The following MROH1 variants were observed in gnomAD, a reference collection of about 807,000 sequenced individuals.
MROH1 encodes maestro heat-like repeat-containing protein family member 1.
MROH1 carries 117 observed loss-of-function variants against 116.5 expected under a neutral mutation model. That is an observed-to-expected ratio of 1.00 (90% CI 0.86 to 1.17). MROH1 has a LOEUF of 1.17. Ranked by LOEUF, MROH1 falls within the 50% of genes most tolerant of loss-of-function variation. The probability of loss-of-function intolerance (pLI) is 0.00; values close to 1 mark genes in which losing one functional copy is unlikely to be tolerated. For missense variants in MROH1, 1,873 were observed against 1,338.5 expected (o/e 1.40, Z -6.23); for synonymous variants, 921 against 583.9 (o/e 1.58, Z -8.32).
chr8:144,228,877 A>G (rs1257332306), intron 14 of MROH1, among the ~76,000 whole-genome samples: 1 of 152,210 alleles, frequency 6.6e-6, no homozygotes, highest in East Asian at 1.9e-4. Flanking sequence ...CCCACAGTAG[A>G]TCTTTCAAAA....
At chr8:144,250,529 G>C in intron 33 of MROH1, 163 bp downstream of exon 33, 1 of 690,026 alleles carries the variant, frequency 1.4e-6, no homozygotes, top group South Asian at 1.5e-5. Context: ...CCAGGCCCCA[G>C]TCTCTCAGGT....
At chr8:144,223,728 C>T (rs1253814816) in intron 14 of MROH1, among the ~76,000 whole-genome samples, 2 of 152,150 alleles carry the variant, frequency 1.3e-5, no homozygotes, top group African/African-American at 2.4e-5. Context: ...TCTAGACAGC[C>T]CTCTGTCACC....
intron 2 of MROH1, among the ~76,000 whole-genome samples, chr8:144,162,293 G>T (rs1342670843): frequency 6.6e-6 from 1 of 151,634 alleles, no homozygotes; most frequent in African/African-American, 2.4e-5. Flanking sequence ...TACCATGTTA[G>T]CCAGGCTGGT....
intron 9 of MROH1, among the ~76,000 whole-genome samples, 172 bp from the exon 10 acceptor site, chr8:144,192,137 G>A (rs1310000439): frequency 6.6e-6 from 1 of 152,210 alleles, no homozygotes; most frequent in African/African-American, 2.4e-5. Context: ...CCTCCTCCCT[G>A]GCTCTGAGTT....
At position 144,260,383 on chromosome 8, in the gene MROH1, G is replaced by A; in HGVS notation, c.4380+9G>A. On this transcript the variant is annotated intron_variant, in intron 39 of 43. Transcript: ENST00000326134. ...GGCCTTTCTTCGACAGTGTAGGCTG[G>A]TTGGGGCAGGGGGAGGGAAGAGGGC... 1 of 712,264 alleles carries A rather than the reference G, an allele frequency of 1.4e-6. No homozygotes were observed. The allele number at this position is 712,264 out of a possible 1,614,324, so 44.1% of individuals were successfully genotyped here.
chr8:144,242,562 G>C, intron 23 of MROH1, 40 bp from the exon 24 acceptor site: 1 of 780,380 alleles, frequency 1.3e-6, no homozygotes, highest in Admixed American at 1.7e-5. Flanking sequence ...GGGGCTGCCG[G>C]GGAGTCACGT....
rs755904108 is a variant in MROH1, at chr8:144,223,246, C to T, written c.1338+16C>T. 3.2e-5 allele frequency: 51 copies of T among 1,585,516 alleles called. No homozygotes were observed. The highest frequency in any genetic ancestry group is 3.3e-5 in the Non-Finnish European group (38 of 1,166,956). On this transcript the variant is annotated intron_variant, in intron 14 of 43. Coordinates refer to ENST00000326134, the MANE Select transcript of MROH1 (RefSeq NM_032450.3). ...CGAGCAGGAGGTAAGGGGCTGCCAC[C>T]TTGCCTGCCTCCTAGGCCCACGCTG... is the stretch of plus-strand genomic sequence containing the variant.
chr8:144,221,171 T>C (rs569003280), intron 13 of MROH1, among the ~76,000 whole-genome samples: 3 of 152,296 alleles, frequency 2.0e-5, no homozygotes, highest in Non-Finnish European at 4.4e-5. Context: ...AGCTCCTGCC[T>C]TGGGGTCTGT....
At chr8:144,166,647 C>T (rs1190290682) in intron 3 of MROH1, among the ~76,000 whole-genome samples, 1 of 151,554 alleles carries the variant, frequency 6.6e-6, no homozygotes, top group African/African-American at 2.4e-5. Context: ...CCCGGAATGG[C>T]ACTGGGGTGT....
intron 22 of MROH1, chr8:144,242,094 C>T (rs1171091976): frequency 4.5e-5 from 25 of 560,926 alleles, no homozygotes; most frequent in Non-Finnish European, 6.4e-5. Flanking sequence ...GCTGCCTTGA[C>T]CCTCGGCCCT....
chr8:144,175,903 TC>T (rs1823780042), intron 4 of MROH1, among the ~76,000 whole-genome samples: 1 of 151,956 alleles, frequency 6.6e-6, no homozygotes, highest in South Asian at 2.1e-4. Context: ...ACAAAAATTA[TC>T]CAGGCGTGGT....
chr8:144,170,480 G>C (rs1212114905), intron 4 of MROH1, among the ~76,000 whole-genome samples: 1 of 152,152 alleles, frequency 6.6e-6, no homozygotes, highest in Admixed American at 6.6e-5. Context: ...CAGGAGGTTT[G>C]GGTCACAGCC....
intron 10 of MROH1, among the ~76,000 whole-genome samples, chr8:144,197,530 G>A (rs1208238419): frequency 1.5e-5 from 2 of 130,546 alleles, no homozygotes; most frequent in Admixed American, 9.1e-5. Flanking sequence ...CTGCCTCCCC[G>A]GTTCACGCCA....
At chr8:144,177,334 C>A (rs1260241234) in intron 4 of MROH1, among the ~76,000 whole-genome samples, 10 of 152,236 alleles carry the variant, frequency 6.6e-5, no homozygotes, top group African/African-American at 1.2e-4. Context: ...CCGTCACTGG[C>A]ACTGCTGCAT....
At chr8:144,221,256 C>G (rs1836676773) in intron 13 of MROH1, among the ~76,000 whole-genome samples, 1 of 152,148 alleles carries the variant, frequency 6.6e-6, no homozygotes, top group African/African-American at 2.4e-5. Context: ...TGCCACGTGG[C>G]CCGTAGCCTC....
At chr8:144,248,303 G>C (rs937826715) in intron 31 of MROH1, among the ~76,000 whole-genome samples, 1 of 152,216 alleles carries the variant, frequency 6.6e-6, no homozygotes, top group East Asian at 1.9e-4. Flanking sequence ...TGCATTACGG[G>C]GGGGAAAAAA....
chr8:144,237,998 T>C (rs925198613), intron 14 of MROH1, among the ~76,000 whole-genome samples: 5 of 152,334 alleles, frequency 3.3e-5, no homozygotes, highest in African/African-American at 1.2e-4. Context: ...GTGTTGTGGA[T>C]TTATTGTTAT....
In MROH1 at chr8:144,260,387, G is replaced by C. The variant is rs1326264506; in HGVS notation, c.4380+13G>C. ...TTTCTTCGACAGTGTAGGCTGGTTG[G>C]GGCAGGGGGAGGGAAGAGGGCCCCA... On this transcript the variant is annotated intron_variant, in intron 39 of 43. Coordinates refer to ENST00000326134, the MANE Select transcript of MROH1 (RefSeq NM_032450.3). The C allele has an allele frequency of 5.6e-6, 4 of 710,756 alleles. No homozygotes were observed. The highest frequency in any genetic ancestry group is 3.5e-5 in the African/African-American group (2 of 57,518). 44.0% of individuals were successfully genotyped at this position (710,756 alleles called of 1,614,324 possible).
chr8:144,161,111 A>G (rs757565858), intron 2 of MROH1, 22 bp downstream of exon 2: 4 of 152,520 alleles, frequency 2.6e-5, no homozygotes, highest in African/African-American at 4.8e-5. Flanking sequence ...TCACGCTTCA[A>G]ATTTCTCCTC....
Sources: allele counts gnomAD v4.1 joint callset (sites outside exome capture counted in the v4.1 genomes callset), GRCh38; gene constraint gnomAD v4.1.1; transcripts MANE v1.5; gene names NCBI Gene and HGNC (gene_info 2026-07-23, HGNC 2026-07-21).